Variants in GABRA6 observed in about 807,000 individuals in gnomAD.
GABRA6 encodes the protein gamma-aminobutyric acid receptor subunit alpha-6.
Under a neutral mutation model 47.3 loss-of-function variants are expected in GABRA6, and 45 were observed. That is an observed-to-expected ratio of 0.95 (90% CI 0.75 to 1.22). GABRA6 has a LOEUF of 1.22. GABRA6 is among the 50% of genes most tolerant of loss of function. The pLI is 0.00. For synonymous variants in GABRA6, 219 were observed against 194.7 expected, an observed-to-expected ratio of 1.12 and a Z score of -1.04; for missense variants, 583 against 549.3, an observed-to-expected ratio of 1.06 and a Z score of -0.61.
chr5:161,699,705 A>G (rs1366098814), intron 8 of GABRA6, among the ~76,000 whole-genome samples: 1 of 151,650 alleles, frequency 6.6e-6, no homozygotes, highest in Non-Finnish European at 1.5e-5. Flanking sequence ...GTTGTGATCC[A>G]CCCACCTCCG....
chr5:161,686,258 G>A lies in GABRA6; in HGVS notation c.67G>A (p.Val23Ile). The A allele has an allele frequency of 6.2e-7, 1 of 1,614,040 alleles. No individual in the cohort carries two copies. The highest frequency in any genetic ancestry group is 2.2e-5 in the East Asian group (1 of 44,872). Residue 23 changes from valine to isoleucine, a missense_variant, in exon 2 of 9, where the codon GTT becomes ATT. Physicochemically the swap from Val to Ile is conservative, Grantham distance 29 (BLOSUM62 3). Transcript: ENST00000274545. ...AGAAAATGCCCTAGGGAAACTCGAAGTTGAAGGCAACTTCTACTCAGAAAA... is the reference window on the plus strand; with the variant it reads ...AGAAAATGCCCTAGGGAAACTCGAAATTGAAGGCAACTTCTACTCAGAAAA... ...WLENALGKLE[V>I]EGNFYSENVS...
rs777194177 is a variant in GABRA6, at chr5:161,692,091, A to G, written c.977A>G (p.Tyr326Cys). The change falls in exon 8 of 9, where the codon TAC becomes TGC. Residue 326 changes from tyrosine to cysteine, a missense_variant. Coordinates refer to ENST00000274545, the MANE Select transcript of GABRA6 (RefSeq NM_000811.3). ...SALIEFAAVNYFTNLQTQKAK... is the reference protein window; with the variant it reads ...SALIEFAAVNCFTNLQTQKAK... Reference sequence around the variant, plus strand: ...CTTATCGAGTTCGCAGCTGTCAACTACTTTACCAATCTTCAGACACAGAAG... The same window carrying G: ...CTTATCGAGTTCGCAGCTGTCAACTGCTTTACCAATCTTCAGACACAGAAG... The G allele has an allele frequency of 3.7e-6, 6 of 1,614,140 alleles. No homozygotes were observed. The highest frequency in any genetic ancestry group is 5.1e-6 in the Non-Finnish European group (6 of 1,179,992).
chr5:161,690,490 A>G, intron 7 of GABRA6, 137 bp downstream of exon 7: 1 of 894,894 alleles, frequency 1.1e-6, no homozygotes, highest in Admixed American at 2.0e-5. Context: ...AGACATATGT[A>G]TCATGCAAAA....
rs116452133 is a variant in GABRA6, at chr5:161,688,219, G to T, written c.226-730G>T. The stretch of plus-strand genomic sequence containing the variant: ...TGCTTGCCATAATACGTTTCATAAA[G>T]GAATTTATATAGTAGGCAAAGCAAT... On this transcript the variant is annotated intron_variant, in intron 3 of 8. Transcript: ENST00000274545. Among the ~76,000 whole-genome samples, 366 of 152,158 alleles carry T rather than the reference G, an allele frequency of 2.4e-3. 2 individuals carry two copies. Among genetic ancestry groups the T allele is most frequent in the African/African-American group, 8.1e-3 (338 of 41,522 alleles).
intron 8 of GABRA6, among the ~76,000 whole-genome samples, chr5:161,695,660 C>T (rs1319250216): frequency 6.6e-6 from 1 of 152,128 alleles, no homozygotes; most frequent in Non-Finnish European, 1.5e-5. Context: ...CATCTGCAAT[C>T]CTTTGAGCAG....
chr5:161,700,769 A>AT lies in GABRA6; in HGVS notation c.1087-724dup, dbSNP rs538986501. 2.7e-3 allele frequency among the ~76,000 whole-genome samples: 408 copies of AT among 152,278 alleles called. 5 individuals are homozygous for AT. The highest frequency in any genetic ancestry group is 9.5e-3 in the African/African-American group (396 of 41,562). On this transcript the variant is annotated intron_variant, in intron 8 of 8. Transcript: ENST00000274545. The stretch of plus-strand genomic sequence containing the variant: ...CAAGTCTGAGTTTAGTAAATGAATC[A>AT]TTTTTAGTGACTGAAGATAGAGAAA...
Position 161,689,005 on chromosome 5 carries a change from TG to T in GABRA6, c.288del (p.Pro97GlnfsTer5), listed in dbSNP as rs763728243. 7 of 1,613,914 alleles carry T rather than the reference TG, an allele frequency of 4.3e-6. No individual in the cohort carries two copies. In the Admixed American group the frequency reaches 5.0e-5, roughly 12 times the overall value. ...QTWTDERLKF[G>X]GPTEILSLNN... is the part of the protein sequence containing the mutation. ...CCTGGACTGATGAGAGGTTGAAGTTTGGGGGGCCAACTGAGATTCTGAGTCT... is the reference window on the plus strand; with the variant it reads ...CCTGGACTGATGAGAGGTTGAAGTTTGGGGGCCAACTGAGATTCTGAGTCT... On this transcript the variant is annotated frameshift_variant, in exon 4 of 9. Transcript: ENST00000274545. LOFTEE classifies it high-confidence loss of function.
intron 8 of GABRA6, 32 bp from the exon 9 acceptor site, chr5:161,701,466 A>C: frequency 6.2e-7 from 1 of 1,610,536 alleles, no homozygotes; most frequent in Non-Finnish European, 8.5e-7. Flanking sequence ...CTATTCTTTC[A>C]TTTGGGCTTA....
intron 6 of GABRA6, 187 bp downstream of exon 6, chr5:161,689,966 A>C (rs1754764508): frequency 1.4e-6 from 1 of 693,750 alleles, no homozygotes; most frequent in Non-Finnish European, 2.4e-6. Context: ...GTAATCTTGG[A>C]ATAAGTAGTT....
Position 161,690,269 on chromosome 5 carries a change from T to C in GABRA6, c.742T>C (p.Tyr248His), listed in dbSNP as rs773304534. 6.2e-6 allele frequency: 10 copies of C among 1,613,188 alleles called. No homozygotes were observed. The highest frequency in any genetic ancestry group is 1.1e-5 in the South Asian group (1 of 91,076). ...RKMGYFMIQI[Y>H]TPCIMTVILS... ...GATGGGCTACTTCATGATACAGATA[T>C]ACACTCCTTGCATTATGACAGTCAT... Residue 248 changes from tyrosine to histidine, a missense_variant, in exon 7 of 9, where the codon TAC becomes CAC. Physicochemically the swap from Tyr to His is moderately conservative, Grantham distance 83 (BLOSUM62 2). Transcript: ENST00000274545.
intron 8 of GABRA6, among the ~76,000 whole-genome samples, chr5:161,693,615 A>T (rs537630216): frequency 1.3e-5 from 2 of 151,610 alleles, no homozygotes; most frequent in African/African-American, 4.8e-5. Flanking sequence ...GTTAAAAATC[A>T]GAATGGGCAA....
rs761048270 is a variant in GABRA6 at position 161,688,935 on chromosome 5, T to C, written c.226-14T>C. On this transcript the variant is annotated splice_polypyrimidine_tract_variant and intron_variant, in intron 3 of 8. Coordinates refer to ENST00000274545, the MANE Select transcript of GABRA6 (RefSeq NM_000811.3). ...TATCTTTCCAGCCCACACAAATATTTTATTTTCTCTTAGGAGTATACGATG... is the reference window on the plus strand; with the variant it reads ...TATCTTTCCAGCCCACACAAATATTCTATTTTCTCTTAGGAGTATACGATG... 1 of 1,603,698 alleles carries C rather than the reference T, an allele frequency of 6.2e-7. No individual in the cohort carries two copies. The highest frequency in any genetic ancestry group is 1.3e-5 in the African/African-American group (1 of 74,834).
chr5:161,697,050 T>C (rs1190041493), intron 8 of GABRA6, among the ~76,000 whole-genome samples: 1 of 152,206 alleles, frequency 6.6e-6, no homozygotes, highest in Non-Finnish European at 1.5e-5. Context: ...TATCAAATAG[T>C]TGATTGTCAT....
chr5:161,689,164 C>T lies in GABRA6; in HGVS notation c.441C>T (p.Thr147=), dbSNP rs767089272. ...TGCAGAATGGAACCATTTTATACAC[C>T]ATGAGGTGAGGTTTCTCCAATTCTA... ...RIMQNGTILY[T]MRLTINADCP... The change falls in exon 4 of 9, where the codon ACC becomes ACT. Residue 147 remains threonine, a synonymous_variant. Transcript: ENST00000274545. 6.2e-7 allele frequency: 1 copy of T among 1,613,334 alleles called. No individual in the cohort carries two copies. Among genetic ancestry groups the T allele is most frequent in the South Asian group, 1.1e-5 (1 of 91,056 alleles).
chr5:161,688,084 T>G (rs1754730651), intron 3 of GABRA6, among the ~76,000 whole-genome samples: 1 of 152,180 alleles, frequency 6.6e-6, no homozygotes, highest in African/African-American at 2.4e-5. Flanking sequence ...TTCTATCTTA[T>G]GCTTGTGTCT....
chr5:161,686,824 A>G lies in GABRA6; in HGVS notation c.158-112A>G, dbSNP rs1027293123. The G allele has an allele frequency of 5.6e-5, 49 of 877,226 alleles. No homozygotes were observed. The African/African-American group carries it at 7.4e-4, about 13-fold the overall frequency. 54.3% of individuals were successfully genotyped at this position (877,226 alleles called of 1,614,324 possible). A position where few individuals can be genotyped will look rare whatever the true frequency, so the allele number is the denominator to read the frequency against. On this transcript the variant is annotated intron_variant, in intron 2 of 8. Coordinates refer to ENST00000274545, the MANE Select transcript of GABRA6 (RefSeq NM_000811.3). ...ATCCCCACTACTGGAATGCAATAGG[A>G]CACATTGCAGATACTGGCTATGATA...
chr5:161,698,586 C>T (rs1294359278), intron 8 of GABRA6, among the ~76,000 whole-genome samples: 1 of 151,802 alleles, frequency 6.6e-6, no homozygotes, highest in Non-Finnish European at 1.5e-5. Flanking sequence ...ATCTTTAAAT[C>T]ATGCCTTTTT....
intron 3 of GABRA6, 142 bp downstream of exon 3, chr5:161,687,145 C>A: frequency 1.3e-6 from 1 of 744,210 alleles, no homozygotes; most frequent in Non-Finnish European, 2.4e-6. Context: ...AGGGCATGAC[C>A]ATTAGAATGG....
chr5:161,690,075 G>A, intron 6 of GABRA6, 126 bp from the exon 7 acceptor site: 1 of 904,318 alleles, frequency 1.1e-6, no homozygotes, highest in Non-Finnish European at 1.8e-6. Flanking sequence ...CTCATATACT[G>A]AAATGTACCT....
Sources: allele counts gnomAD v4.1 joint callset (sites outside exome capture counted in the v4.1 genomes callset), GRCh38; gene constraint gnomAD v4.1.1; transcripts MANE v1.5; gene names NCBI Gene and HGNC (gene_info 2026-07-23, HGNC 2026-07-21).